Variants in CPNE8 observed in about 807,000 individuals in gnomAD.
CPNE8 encodes copine 8.
In CPNE8, 45 loss-of-function variants were observed where a neutral mutation model predicts 81.5. The observed-to-expected ratio is 0.55, with a 90% CI of 0.44 to 0.71. The LOEUF is 0.71. CPNE8 is among the 30% of genes least tolerant of loss of function. CPNE8 has a pLI of 0.00. For synonymous variants in CPNE8, 252 were observed against 226.3 expected, an observed-to-expected ratio of 1.11 and a Z score of -1.02; for missense variants, 594 against 672.1, an observed-to-expected ratio of 0.88 and a Z score of 1.28.
chr12:38,826,419 CTT>C (rs759069587), intron 6 of CPNE8, among the ~76,000 whole-genome samples: 23 of 152,186 alleles, frequency 1.5e-4, no homozygotes, highest in Non-Finnish European at 1.8e-4. Flanking sequence ...GTTTTGAAGT[CTT>C]TCCCTCATTA....
chr12:38,880,631 A>ATTTGTATG (rs1238057597), intron 1 of CPNE8, among the ~76,000 whole-genome samples: 1 of 152,148 alleles, frequency 6.6e-6, no homozygotes, highest in East Asian at 1.9e-4. Context: ...TTGTATGTAT[A>ATTTGTATG]TATATTTTTT....
At chr12:38,890,314 G>C (rs771556826) in intron 1 of CPNE8, among the ~76,000 whole-genome samples, 1 of 152,098 alleles carries the variant, frequency 6.6e-6, no homozygotes, top group Non-Finnish European at 1.5e-5. Context: ...CAAGCACTTA[G>C]GAAATTACTT....
chr12:38,803,501 C>T (rs1054272024), intron 6 of CPNE8, among the ~76,000 whole-genome samples: 21 of 149,266 alleles, frequency 1.4e-4, no homozygotes, highest in African/African-American at 3.7e-4. Flanking sequence ...ATTGATGGGA[C>T]GTATTTCAGA....
intron 3 of CPNE8, among the ~76,000 whole-genome samples, chr12:38,863,043 A>C (rs1438207283): frequency 2.0e-5 from 3 of 152,210 alleles, no homozygotes; most frequent in African/African-American, 7.2e-5. Flanking sequence ...GATAACCATC[A>C]AAGGCAGAAA....
intron 3 of CPNE8, among the ~76,000 whole-genome samples, chr12:38,866,935 T>A (rs1170319070): frequency 6.6e-6 from 1 of 152,170 alleles, no homozygotes; most frequent in African/African-American, 2.4e-5. Flanking sequence ...CTCAGCTCAC[T>A]GCAACCTCCG....
chr12:38,735,261 AAAGAC>A, intron 10 of CPNE8, among the ~76,000 whole-genome samples: 1 of 31,434 alleles, frequency 3.2e-5, no homozygotes, highest in South Asian at 1.8e-3. Context: ...CACGAAAATG[AAAGAC>A]CCCTTGGACT....
intron 1 of CPNE8, 54 bp from the exon 2 acceptor site, chr12:38,874,565 T>G (rs1412218387): frequency 2.7e-6 from 3 of 1,120,324 alleles, no homozygotes; most frequent in Non-Finnish European, 4.0e-6. Flanking sequence ...ATATTTATAT[T>G]TATATAGACA....
intron 6 of CPNE8, among the ~76,000 whole-genome samples, chr12:38,807,467 T>A (rs1942836190): frequency 6.6e-6 from 1 of 151,880 alleles, no homozygotes; most frequent in African/African-American, 2.4e-5. Context: ...AACTATCTGA[T>A]CTTTGACAAA....
chr12:38,697,530 G>A (rs972354268), intron 14 of CPNE8, among the ~76,000 whole-genome samples: 3 of 152,098 alleles, frequency 2.0e-5, no homozygotes, highest in Non-Finnish European at 4.4e-5. Context: ...GAATGAAATT[G>A]CTAGGTCATA....
At chr12:38,766,192 T>G (rs925720247) in intron 8 of CPNE8, among the ~76,000 whole-genome samples, 1 of 152,170 alleles carries the variant, frequency 6.6e-6, no homozygotes, top group Non-Finnish European at 1.5e-5. Flanking sequence ...ATACATTTTT[T>G]AATAAAAGTA....
At chr12:38,790,996 G>C (rs1488873535) in intron 6 of CPNE8, among the ~76,000 whole-genome samples, 2 of 151,600 alleles carry the variant, frequency 1.3e-5, no homozygotes, top group Non-Finnish European at 3.0e-5. Flanking sequence ...TTCTTTCACA[G>C]CAGTCTCAGA....
At chr12:38,882,496 C>G (rs1384061653) in intron 1 of CPNE8, among the ~76,000 whole-genome samples, 1 of 152,154 alleles carries the variant, frequency 6.6e-6, no homozygotes, top group African/African-American at 2.4e-5. Context: ...TTTAAGCCAA[C>G]AAGGTTGTGG....
rs1241472533 is a variant in CPNE8 at position 38,797,893 on chromosome 12, G to A, written c.408-21592C>T. On this transcript the variant is annotated intron_variant, in intron 6 of 19. Transcript: ENST00000331366. ...CTGAAAGCAAAGGCTCGAGAACTAC[G>A]TGAAGAATGCAGAAGCCTCAGGAGC... Among the ~76,000 whole-genome samples, 6 of 152,154 alleles carry A rather than the reference G, an allele frequency of 3.9e-5. No individual in the cohort carries two copies. In the South Asian group the frequency reaches 8.3e-4, roughly 21 times the overall value.
chr12:38,700,396 G>A (rs1277325683), intron 14 of CPNE8, among the ~76,000 whole-genome samples: 5 of 151,774 alleles, frequency 3.3e-5, no homozygotes, highest in East Asian at 1.9e-4. Flanking sequence ...GTGACAACAC[G>A]CCTGGCTAAT....
chr12:38,657,254 C>A (rs1938842339), intron 19 of CPNE8, among the ~76,000 whole-genome samples: 1 of 152,150 alleles, frequency 6.6e-6, no homozygotes, highest in South Asian at 2.1e-4. Flanking sequence ...GGGTCCCATT[C>A]CCACAGAGCC....
At chr12:38,906,172 C>T, upstream of CPNE8, 7 of 985,736 alleles carry the variant, frequency 7.1e-6, no homozygotes, top group Non-Finnish European at 8.4e-6. Context: ...GAGATCCCTC[C>T]GTCCCTCCTA....
At chr12:38,754,126 C>T (rs1471741987) in intron 10 of CPNE8, among the ~76,000 whole-genome samples, 1 of 152,268 alleles carries the variant, frequency 6.6e-6, no homozygotes, top group East Asian at 1.9e-4. Context: ...CAAATGACAG[C>T]ACTGAAATCG....
At chr12:38,783,678 G>T (rs541893334) in intron 6 of CPNE8, among the ~76,000 whole-genome samples, 1 of 152,170 alleles carries the variant, frequency 6.6e-6, no homozygotes, top group African/African-American at 2.4e-5. Context: ...AAGAAAGAGA[G>T]ACCCTGTTTG....
intron 10 of CPNE8, among the ~76,000 whole-genome samples, chr12:38,757,279 T>C (rs2136839445): frequency 6.6e-6 from 1 of 152,168 alleles, no homozygotes; most frequent in East Asian, 1.9e-4. Flanking sequence ...CTGTTGATCA[T>C]TATGTCATGA....
Sources: allele counts gnomAD v4.1 joint callset (sites outside exome capture counted in the v4.1 genomes callset), GRCh38; gene constraint gnomAD v4.1.1; transcripts MANE v1.5; gene names NCBI Gene and HGNC (gene_info 2026-07-23, HGNC 2026-07-21).